Variants in TMEM131L observed in about 807,000 individuals in gnomAD.
TMEM131L encodes the protein transmembrane protein 131-like.
TMEM131L carries 54 observed loss-of-function variants against 192.2 expected under a neutral mutation model. That is an observed-to-expected ratio of 0.28 (90% CI 0.23 to 0.35). TMEM131L has a LOEUF of 0.35. Ranked by LOEUF, TMEM131L falls within the 10% of genes least tolerant of loss-of-function variation. The pLI is 1.00. For synonymous variants in TMEM131L, 701 were observed against 704.9 expected, an observed-to-expected ratio of 0.99 and a Z score of 0.09; for missense variants, 1,888 against 1,972.9, an observed-to-expected ratio of 0.96 and a Z score of 0.82.
intron 7 of TMEM131L, among the ~76,000 whole-genome samples, chr4:153,578,614 A>G (rs1418699121): frequency 6.8e-6 from 1 of 147,896 alleles, no homozygotes; most frequent in Non-Finnish European, 1.5e-5. Context: ...TCTGCCTCTC[A>G]GGTTCACGCC....
intron 3 of TMEM131L, among the ~76,000 whole-genome samples, chr4:153,490,935 T>C (rs775277731): frequency 5.5e-4 from 65 of 118,880 alleles, no homozygotes; most frequent in African/African-American, 1.9e-3. Context: ...GCCTGGGCGA[T>C]AGAGTGAGAC....
intron 19 of TMEM131L, 113 bp downstream of exon 19, chr4:153,593,984 T>C: frequency 1.4e-6 from 1 of 708,184 alleles, no homozygotes. Flanking sequence ...TATGGCTCTT[T>C]TATTTTGATT....
At chr4:153,620,197 G>A (rs7655998) in intron 26 of TMEM131L, among the ~76,000 whole-genome samples, 89,314 of 152,052 alleles carry the variant, frequency 0.59, 26,547 homozygotes, top group African/African-American at 0.62. Flanking sequence ...TAATACTTAT[G>A]TATATAATGT....
intron 7 of TMEM131L, among the ~76,000 whole-genome samples, chr4:153,560,982 C>T (rs1304184597): frequency 1.3e-5 from 2 of 152,184 alleles, no homozygotes; most frequent in East Asian, 3.8e-4. Flanking sequence ...AAAGTGGTTG[C>T]ATCATTTTAC....
intron 25 of TMEM131L, among the ~76,000 whole-genome samples, chr4:153,610,216 A>C (rs753617098): frequency 8.3e-4 from 127 of 152,304 alleles, no homozygotes; most frequent in Admixed American, 1.8e-3. Context: ...TGTCCTATAG[A>C]GACAGAAATT....
chr4:153,500,262 C>G (rs1474815748), intron 3 of TMEM131L, among the ~76,000 whole-genome samples: 1 of 152,062 alleles, frequency 6.6e-6, no homozygotes, highest in Non-Finnish European at 1.5e-5. Context: ...CTCCCCACCC[C>G]CAGCTAATTT....
At chr4:153,528,262 G>A (rs1173338317) in intron 3 of TMEM131L, among the ~76,000 whole-genome samples, 2 of 152,232 alleles carry the variant, frequency 1.3e-5, no homozygotes, top group Non-Finnish European at 2.9e-5. Context: ...ACAGAACAGA[G>A]CGCAAGACTG....
chr4:153,588,317 A>T (rs1730837575), intron 15 of TMEM131L, among the ~76,000 whole-genome samples: 1 of 138,646 alleles, frequency 7.2e-6, no homozygotes, highest in African/African-American at 2.7e-5. Flanking sequence ...AGAGATATTT[A>T]GGGAGAGTTT....
At chr4:153,476,122 C>A (rs567425991) in intron 3 of TMEM131L, among the ~76,000 whole-genome samples, 22 of 152,128 alleles carry the variant, frequency 1.4e-4, no homozygotes, top group Admixed American at 8.5e-4. Context: ...TCACGCCCGG[C>A]TAATTTTTGT....
chr4:153,567,404 G>A (rs1729292915), intron 7 of TMEM131L, among the ~76,000 whole-genome samples: 1 of 152,204 alleles, frequency 6.6e-6, no homozygotes, highest in Non-Finnish European at 1.5e-5. Context: ...ACACCAAGAT[G>A]TAACTGTTTT....
At position 153,467,237 on chromosome 4, in the gene TMEM131L, G is replaced by C; in HGVS notation, c.151G>C (p.Glu51Gln). 6.4e-7 allele frequency: 1 copy of C among 1,551,760 alleles called. No homozygotes were observed. Among genetic ancestry groups the C allele is most frequent in the East Asian group, 2.4e-5 (1 of 40,920 alleles). ...GATTGAGCCGTTGCCGAACGTGGTGGAGCTGTGGCAGGCAGAAGAAGGGGA... is the reference window on the plus strand; with the variant it reads ...GATTGAGCCGTTGCCGAACGTGGTGCAGCTGTGGCAGGCAGAAGAAGGGGA... ...QAIEPLPNVV[E>Q]LWQAEEGELL... The change falls in exon 2 of 35, where the codon GAG becomes CAG. Residue 51 changes from glutamate to glutamine, a missense_variant. Transcript: ENST00000409959.
chr4:153,621,636 A>G (rs767124236), intron 27 of TMEM131L, 47 bp from the exon 28 acceptor site: 2 of 1,596,314 alleles, frequency 1.3e-6, no homozygotes, highest in Non-Finnish European at 1.7e-6. Context: ...GCATGTGTAC[A>G]TGATAAAATA....
intron 3 of TMEM131L, among the ~76,000 whole-genome samples, chr4:153,495,600 A>G (rs1733120838): frequency 6.6e-6 from 1 of 152,154 alleles, no homozygotes; most frequent in Non-Finnish European, 1.5e-5. Flanking sequence ...TTACATAAAC[A>G]ATAGGTCAGA....
chr4:153,566,538 T>A (rs1416951240), intron 7 of TMEM131L, among the ~76,000 whole-genome samples: 1 of 151,888 alleles, frequency 6.6e-6, no homozygotes, highest in Admixed American at 6.6e-5. Flanking sequence ...TGTGTGTGTG[T>A]GTGTGTGTGT....
chr4:153,580,947 C>G (rs1021464011), intron 8 of TMEM131L, 44 bp downstream of exon 8: 1 of 1,349,066 alleles, frequency 7.4e-7, no homozygotes, highest in Admixed American at 1.7e-5. Flanking sequence ...TTCCTCCTGC[C>G]TCTTTGCTTA....
chr4:153,620,727 C>T (rs1220282772), intron 26 of TMEM131L, 29 bp from the exon 27 acceptor site: 6 of 1,386,864 alleles, frequency 4.3e-6, no homozygotes, highest in African/African-American at 1.5e-5. Flanking sequence ...TTAGTTTAAA[C>T]CATTAAACAT....
chr4:153,486,034 C>A (rs1732306922), intron 3 of TMEM131L, among the ~76,000 whole-genome samples: 1 of 152,106 alleles, frequency 6.6e-6, no homozygotes. Context: ...GAGTGGAAAG[C>A]CACTTTCCCA....
intron 3 of TMEM131L, among the ~76,000 whole-genome samples, chr4:153,502,542 T>C (rs1733689144): frequency 6.6e-6 from 1 of 152,234 alleles, no homozygotes; most frequent in South Asian, 2.1e-4. Flanking sequence ...AAATGAATTA[T>C]GTGTAAACTA....
chr4:153,567,240 A>G (rs1270797562), intron 7 of TMEM131L, among the ~76,000 whole-genome samples: 1 of 152,244 alleles, frequency 6.6e-6, no homozygotes, highest in African/African-American at 2.4e-5. Flanking sequence ...GAGATAACAG[A>G]GAAAGGTTAA....
Sources: gnomAD v4.1 joint callset for allele counts (sites outside exome capture counted in the v4.1 genomes callset) on GRCh38, gnomAD v4.1.1 for gene constraint, MANE v1.5 for transcripts, NCBI Gene and HGNC (gene_info 2026-07-23, HGNC 2026-07-21) for gene names.